The following HIVEP2 variants were observed in gnomAD, a reference collection of about 807,000 sequenced individuals.
HIVEP2 encodes transcription factor HIVEP2.
In HIVEP2, 14 loss-of-function variants were observed where a neutral mutation model predicts 180.7. The observed-to-expected ratio is 0.08, with a 90% CI of 0.05 to 0.12. HIVEP2 has a LOEUF of 0.12. Ranked by LOEUF, HIVEP2 falls within the 10% of genes least tolerant of loss-of-function variation. The pLI, the probability that HIVEP2 is intolerant of heterozygous loss-of-function variation, is 1.00. For missense variants in HIVEP2, 2,579 were observed against 3,008.5 expected (o/e 0.86, Z 3.34); for synonymous variants, 1,184 against 1,136.4 (o/e 1.04, Z -0.84).
At chr6:142,812,740 A>C (rs1418796277) in intron 2 of HIVEP2, among the ~76,000 whole-genome samples, 2 of 152,206 alleles carry the variant, frequency 1.3e-5, no homozygotes, top group Non-Finnish European at 2.9e-5. Context: ...AAACTAAAGA[A>C]TGGCTGTGTT....
chr6:142,933,330 T>A (rs1205621357), intron 1 of HIVEP2, among the ~76,000 whole-genome samples: 2 of 152,212 alleles, frequency 1.3e-5, no homozygotes, highest in African/African-American at 4.8e-5. Flanking sequence ...TAAACCAAAT[T>A]GGTTTGGCTC....
At chr6:142,781,204 T>C (rs904311929) in intron 3 of HIVEP2, among the ~76,000 whole-genome samples, 3 of 152,212 alleles carry the variant, frequency 2.0e-5, no homozygotes, top group African/African-American at 7.2e-5. Flanking sequence ...TCAGATTCTC[T>C]AATATTTCAT....
intron 1 of HIVEP2, among the ~76,000 whole-genome samples, chr6:142,932,256 A>G (rs974292549): frequency 1.3e-5 from 2 of 152,188 alleles, no homozygotes; most frequent in Admixed American, 1.3e-4. Context: ...TCATATTCCC[A>G]TATATCTTGC....
At chr6:142,865,442 A>G (rs914545854) in intron 1 of HIVEP2, among the ~76,000 whole-genome samples, 1 of 152,142 alleles carries the variant, frequency 6.6e-6, no homozygotes, top group Admixed American at 6.6e-5. Flanking sequence ...GAAGAAAAAA[A>G]AAAAGGAAAC....
rs868085949 is a variant in HIVEP2, at chr6:142,773,826, T to A, written c.913A>T (p.Ile305Phe). The stretch of plus-strand genomic sequence containing the variant: ...CCATGATAGCCGCCTCTGCTGGCAA[T>A]GTCCAGTGGGATGGGTGGACCAGGA... ...MSPGPPIPLD[I>F]ASRGGYHGSL... The change falls in exon 5 of 10, where the codon ATT (isoleucine) becomes TTT (phenylalanine). Residue 305 changes from isoleucine to phenylalanine, a missense_variant. Transcript: ENST00000367603. The A allele has an allele frequency of 9.9e-6, 16 of 1,613,702 alleles. No individual in the cohort carries two copies. The Middle Eastern group carries it at 1.3e-3, about 133-fold the overall frequency.
intron 6 of HIVEP2, 47 bp from the exon 7 acceptor site, chr6:142,765,021 A>G (rs1562500636): frequency 6.5e-7 from 1 of 1,535,968 alleles, no homozygotes; most frequent in Non-Finnish European, 8.9e-7. Context: ...TATTCTTAGC[A>G]TGCTATATAT....
chr6:142,831,771 T>C (rs890280598), intron 2 of HIVEP2, among the ~76,000 whole-genome samples: 2 of 152,228 alleles, frequency 1.3e-5, no homozygotes, highest in South Asian at 2.1e-4. Flanking sequence ...ACAAAATTCA[T>C]AAATTTGTAT....
At chr6:142,921,911 G>A (rs1232876331) in intron 1 of HIVEP2, among the ~76,000 whole-genome samples, 1 of 152,178 alleles carries the variant, frequency 6.6e-6, no homozygotes, top group African/African-American at 2.4e-5. Flanking sequence ...ACTACATGCT[G>A]GCAATTTCCT....
intron 2 of HIVEP2, among the ~76,000 whole-genome samples, chr6:142,834,657 T>C (rs1421147784): frequency 6.6e-6 from 1 of 152,094 alleles, no homozygotes; most frequent in African/African-American, 2.4e-5. Flanking sequence ...AATATTATTA[T>C]AAAAAATAAT....
chr6:142,789,252 T>C (rs1776080711), intron 2 of HIVEP2, among the ~76,000 whole-genome samples: 1 of 152,248 alleles, frequency 6.6e-6, no homozygotes, highest in South Asian at 2.1e-4. Flanking sequence ...CCTTTGATGG[T>C]TCAGGATCAT....
intron 1 of HIVEP2, among the ~76,000 whole-genome samples, chr6:142,912,432 T>C (rs1451034183): frequency 6.6e-6 from 1 of 152,202 alleles, no homozygotes; most frequent in African/African-American, 2.4e-5. Flanking sequence ...TTCCCCCTTC[T>C]CCTCATCACA....
intron 1 of HIVEP2, among the ~76,000 whole-genome samples, chr6:142,904,202 A>G (rs1777205493): frequency 6.6e-6 from 1 of 152,224 alleles, no homozygotes; most frequent in African/African-American, 2.4e-5. Context: ...GAAATTACAA[A>G]GATGAATTTG....
At chr6:142,821,332 G>A (rs930914099) in intron 2 of HIVEP2, among the ~76,000 whole-genome samples, 4 of 151,058 alleles carry the variant, frequency 2.6e-5, no homozygotes, top group African/African-American at 4.9e-5. Context: ...GTCTAACCCC[G>A]AACCAAAGAA....
At chr6:142,927,430 G>A (rs1582972307) in intron 1 of HIVEP2, among the ~76,000 whole-genome samples, 1 of 151,960 alleles carries the variant, frequency 6.6e-6, no homozygotes, top group African/African-American at 2.4e-5. Flanking sequence ...TGTGAATTCC[G>A]TAAATAACTG....
chr6:142,780,824 G>C (rs114806092), intron 3 of HIVEP2, among the ~76,000 whole-genome samples: 2,134 of 152,256 alleles, frequency 0.014, 65 homozygotes, highest in African/African-American at 0.049. Context: ...GGGTTTTCAA[G>C]ATTAGATAAT....
At chr6:142,928,765 A>G (rs988014685) in intron 1 of HIVEP2, among the ~76,000 whole-genome samples, 1 of 152,202 alleles carries the variant, frequency 6.6e-6, no homozygotes. Context: ...CAGGACTAGC[A>G]TAGCTAGTCT....
chr6:142,796,358 T>C (rs902935126), intron 2 of HIVEP2, among the ~76,000 whole-genome samples: 7 of 152,130 alleles, frequency 4.6e-5, no homozygotes, highest in Non-Finnish European at 1.0e-4. Context: ...ACCTAACTAC[T>C]AATAAACTAC....
At chr6:142,883,015 A>T (rs1294330626) in intron 1 of HIVEP2, among the ~76,000 whole-genome samples, 2 of 152,118 alleles carry the variant, frequency 1.3e-5, no homozygotes, top group African/African-American at 4.8e-5. Context: ...TCTCCATAGA[A>T]ACCAAGTATA....
At position 142,769,832 on chromosome 6, in the gene HIVEP2, A is replaced by C. The variant is rs780973145; in HGVS notation, c.4907T>G (p.Leu1636Arg). 1.2e-6 allele frequency: 2 copies of C among 1,614,198 alleles called. No individual in the cohort carries two copies. The highest frequency in any genetic ancestry group is 1.3e-5 in the African/African-American group (1 of 75,054). ...TGTTGTCCGCAGACTGGGGAACTGA[A>C]GAATCTGCTGGAAATCTGCCATGTC... is the stretch of plus-strand genomic sequence containing the variant. ...LTDMADFQQI[L>R]QFPSLRTTTT... Residue 1636 changes from leucine (L) to arginine (R), a missense_variant, in exon 5 of 10, where the codon CTT becomes CGT. Physicochemically the swap from Leu to Arg is moderately radical, Grantham distance 102 (BLOSUM62 -2). Around this residue, in one of 11 missense-constraint regions of HIVEP2, gnomAD observed 349 missense variants for 367.2 expected, o/e 0.95. Coordinates refer to ENST00000367603, the MANE Select transcript of HIVEP2 (RefSeq NM_006734.4).
Sources: gnomAD v4.1 joint callset for allele counts (sites outside exome capture counted in the v4.1 genomes callset) on GRCh38, gnomAD v4.1.1 for gene constraint, gnomAD v4.1.1 regional missense constraint, MANE v1.5 for transcripts, NCBI Gene and HGNC (gene_info 2026-07-23, HGNC 2026-07-21) for gene names.